Variants in RBFOX1 observed in about 807,000 individuals in gnomAD.
RBFOX1 encodes the protein RNA binding fox-1 homolog 1.
Under a neutral mutation model 57.7 loss-of-function variants are expected in RBFOX1, and 8 were observed. The ratio of observed to expected loss-of-function variants is 0.14; its 90% CI spans 0.08 to 0.25. The LOEUF (loss-of-function observed/expected upper bound fraction) is 0.25, where lower values mean the gene tolerates loss of function less well. Ranked by LOEUF, RBFOX1 falls within the 10% of genes least tolerant of loss-of-function variation. The pLI, the probability that RBFOX1 is intolerant of heterozygous loss-of-function variation, is 1.00. For synonymous variants in RBFOX1, 326 were observed against 222.4 expected (o/e 1.47, Z -4.15); for missense variants, 611 against 548.5 (o/e 1.11, Z -1.14).
At chr16:7,170,104 G>C (rs1182048330) in intron 4 of RBFOX1, among the ~76,000 whole-genome samples, 2 of 152,076 alleles carry the variant, frequency 1.3e-5, no homozygotes, top group Non-Finnish European at 2.9e-5. Context: ...TAAGTATTTG[G>C]TGTATGCATG....
At chr16:5,960,398 AC>A (rs1386947284) in intron 4 of RBFOX1, among the ~76,000 whole-genome samples, 1 of 152,140 alleles carries the variant, frequency 6.6e-6, no homozygotes, top group Non-Finnish European at 1.5e-5. Flanking sequence ...ATTTCACATT[AC>A]CACCAGCCCC....
At chr16:6,848,619 G>T (rs1277858719) in intron 3 of RBFOX1, among the ~76,000 whole-genome samples, 1 of 152,180 alleles carries the variant, frequency 6.6e-6, no homozygotes, top group East Asian at 1.9e-4. Flanking sequence ...ATGTGTATGT[G>T]TGTAGAGAGA....
At chr16:6,051,040 C>G (rs184846165) in intron 1 of RBFOX1, among the ~76,000 whole-genome samples, 13 of 147,918 alleles carry the variant, frequency 8.8e-5, no homozygotes, top group Non-Finnish European at 1.2e-4. Flanking sequence ...TATTTGCTAC[C>G]CCACACCTGA....
intron 1 of RBFOX1, among the ~76,000 whole-genome samples, chr16:6,184,678 C>A (rs2080269): frequency 6.6e-6 from 1 of 152,036 alleles, no homozygotes; most frequent in African/African-American, 2.4e-5. Flanking sequence ...TCCTGCCTCA[C>A]CGTCTCGAGT....
intron 4 of RBFOX1, among the ~76,000 whole-genome samples, chr16:7,089,740 C>T (rs147677280): frequency 6.6e-6 from 1 of 152,204 alleles, no homozygotes; most frequent in African/African-American, 2.4e-5. Flanking sequence ...AGTAATTAAT[C>T]TTGACTTAAA....
intron 4 of RBFOX1, among the ~76,000 whole-genome samples, chr16:5,995,781 G>A (rs1304022686): frequency 2.5e-4 from 38 of 152,156 alleles, no homozygotes; most frequent in Admixed American, 2.4e-3. Context: ...GGTAGGGAGG[G>A]AGCTTGGGCA....
At chr16:6,149,872 C>A (rs534953698) in intron 1 of RBFOX1, among the ~76,000 whole-genome samples, 1 of 152,160 alleles carries the variant, frequency 6.6e-6, no homozygotes, top group Non-Finnish European at 1.5e-5. Context: ...TTTGCCAACT[C>A]TAAATTGCTA....
intron 3 of RBFOX1, chr16:6,704,910 A>T (rs1468127573): frequency 6.6e-6 from 1 of 152,098 alleles, no homozygotes; most frequent in Non-Finnish European, 1.5e-5. Context: ...TCTGGATTTC[A>T]ATTTTTAAAA....
rs371743873 is a variant in RBFOX1, at chr16:6,991,768, C to T, written c.-15-60289C>T. On this transcript the variant is annotated intron_variant, in intron 3 of 15. Coordinates refer to ENST00000550418, the MANE Select transcript of RBFOX1 (RefSeq NM_018723.4). ...CCCAGGCTGGTCTTGAACTCCTGAG[C>T]CCAAGCAATCTGCCTGCTTAGGCCT... Among the ~76,000 whole-genome samples the T allele has an allele frequency of 7.9e-5, 12 of 152,244 alleles. No homozygotes were observed. In the East Asian group the frequency reaches 1.7e-3, roughly 22 times the overall value.
At chr16:6,358,272 G>T (rs1328546833) in intron 2 of RBFOX1, among the ~76,000 whole-genome samples, 3 of 152,176 alleles carry the variant, frequency 2.0e-5, no homozygotes, top group African/African-American at 7.2e-5. Flanking sequence ...CTGGCATCAT[G>T]TAATTTTCCA....
rs1288991412 is a variant in RBFOX1 at position 7,713,117 on chromosome 16, A to G, written c.*2372A>G. The G allele has an allele frequency of 2.0e-5, 3 of 152,184 alleles. No homozygotes were observed. Among genetic ancestry groups the G allele is most frequent in the African/African-American group, 7.2e-5 (3 of 41,442 alleles). 9.4% of individuals were successfully genotyped at this position (152,184 alleles called of 1,614,324 possible). A position where few individuals can be genotyped will look rare whatever the true frequency, so the allele number is the denominator to read the frequency against. On this transcript the variant is annotated 3_prime_UTR_variant, in exon 16 of 16. Coordinates refer to ENST00000550418, the MANE Select transcript of RBFOX1 (RefSeq NM_018723.4). ...TTTTTTTAAACAGTATTTATTTGGA[A>G]TGTTTTCATTTATCTAAATAACTAT...
intron 3 of RBFOX1, among the ~76,000 whole-genome samples, chr16:6,919,146 G>GT (rs1355705656): frequency 6.6e-6 from 1 of 151,890 alleles, no homozygotes; most frequent in Non-Finnish European, 1.5e-5. Context: ...TGCCTGGCTA[G>GT]TTTTTTGTAT....
chr16:5,900,223 C>T lies in RBFOX1; in HGVS notation c.351+32888C>T, dbSNP rs572073003. ...ATGGGTGGGGCCAATGTGGGAGATCCTGTCTTGCTTTGTCATTGTGGCATA... is the reference window on the plus strand; with the variant it reads ...ATGGGTGGGGCCAATGTGGGAGATCTTGTCTTGCTTTGTCATTGTGGCATA... On this transcript the variant is annotated intron_variant, in intron 4 of 19. Coordinates refer to the RBFOX1 transcript ENST00000641259. Among the ~76,000 whole-genome samples the T allele has an allele frequency of 8.3e-4, 127 of 152,256 alleles. 1 individual carries two copies. Among genetic ancestry groups the T allele is most frequent in the African/African-American group, 2.8e-3 (118 of 41,542 alleles).
At chr16:7,027,162 G>C (rs1005679528) in intron 3 of RBFOX1, among the ~76,000 whole-genome samples, 8 of 152,262 alleles carry the variant, frequency 5.3e-5, no homozygotes, top group African/African-American at 1.7e-4. Flanking sequence ...CTCCTTACGA[G>C]ACTGAGTGTT....
intron 2 of RBFOX1, among the ~76,000 whole-genome samples, chr16:6,575,303 C>T (rs959750260): frequency 2.0e-5 from 3 of 152,030 alleles, no homozygotes; most frequent in Admixed American, 2.0e-4. Flanking sequence ...TTGTTTGGTC[C>T]TTGTATATTT....
chr16:6,978,962 GC>G (rs1338850125), intron 3 of RBFOX1, among the ~76,000 whole-genome samples: 15 of 152,200 alleles, frequency 9.9e-5, no homozygotes, highest in Non-Finnish European at 4.4e-5. Flanking sequence ...GCCCCAGGCT[GC>G]CACCTGTGCT....
At chr16:6,073,993 G>T (rs911854683) in intron 1 of RBFOX1, among the ~76,000 whole-genome samples, 15 of 152,066 alleles carry the variant, frequency 9.9e-5, no homozygotes, top group Admixed American at 2.0e-4. Context: ...CTGTCGCCCA[G>T]AGTGGAGTGC....
At chr16:7,464,804 C>G (rs1284813783) in intron 4 of RBFOX1, among the ~76,000 whole-genome samples, 3 of 148,754 alleles carry the variant, frequency 2.0e-5, no homozygotes, top group Non-Finnish European at 4.4e-5. Flanking sequence ...TCACGCCATT[C>G]TCCTGCCTCA....
At chr16:7,650,655 G>C (rs190480129) in intron 11 of RBFOX1, among the ~76,000 whole-genome samples, 1 of 152,220 alleles carries the variant, frequency 6.6e-6, no homozygotes, top group African/African-American at 2.4e-5. Flanking sequence ...TTGTGGCTGA[G>C]AGGGAGCTTG....
Sources: gnomAD v4.1 joint callset for allele counts (sites outside exome capture counted in the v4.1 genomes callset) on GRCh38, gnomAD v4.1.1 for gene constraint, MANE v1.5 for transcripts, NCBI Gene and HGNC (gene_info 2026-07-23, HGNC 2026-07-21) for gene names.